Variants in C10orf88 observed in about 807,000 individuals in gnomAD.
The protein encoded by C10orf88 is ATPase PAAT.
Under a neutral mutation model 34.2 loss-of-function variants are expected in C10orf88, and 29 were observed. The ratio of observed to expected loss-of-function variants is 0.85; its 90% confidence interval spans 0.63 to 1.16. C10orf88 has a LOEUF of 1.16. C10orf88 is among the 50% of genes most tolerant of loss of function. C10orf88 has a pLI of 0.00. For synonymous variants in C10orf88, 194 were observed against 197.4 expected (o/e 0.98, Z 0.15); for missense variants, 507 against 533.2 (o/e 0.95, Z 0.48).
At position 122,947,324 on chromosome 10, in the gene C10orf88, C is replaced by T. The variant is rs528972917; in HGVS notation, c.648+1325G>A. ...CACAACATCTACAAGGAGTTCTTTA[C>T]TTGCATTACTTATTTTAAATTTTCA... On this transcript the variant is annotated intron_variant, in intron 4 of 5. Coordinates refer to ENST00000481909, the MANE Select transcript of C10orf88 (RefSeq NM_024942.4). Among the ~76,000 whole-genome samples the T allele has an allele frequency of 5.9e-5, 9 of 152,280 alleles. No homozygotes were observed. In the South Asian group the frequency reaches 1.9e-3, roughly 32 times the overall value.
Position 122,932,409 on chromosome 10 carries a change from A to C in C10orf88, c.*18T>G. On this transcript the variant is annotated 3_prime_UTR_variant, in exon 6 of 6. Coordinates refer to ENST00000481909, the MANE Select transcript of C10orf88 (RefSeq NM_024942.4). ...AATATGTAATAAATATCTGCAGTAC[A>C]CTGTTTATGTTGAGAGCTTATCTTT... The C allele has an allele frequency of 6.3e-7, 1 of 1,575,276 alleles. No individual in the cohort carries two copies. The highest frequency in any genetic ancestry group is 8.7e-7 in the Non-Finnish European group (1 of 1,149,150).
intron 2 of C10orf88, 73 bp from the exon 3 acceptor site, chr10:122,952,099 A>G: frequency 1.3e-6 from 1 of 788,160 alleles, no homozygotes; most frequent in South Asian, 1.7e-5. Flanking sequence ...TTAAAAATAA[A>G]TGTTTCCAGA....
At chr10:122,944,022 T>C (rs1359636929) in intron 4 of C10orf88, among the ~76,000 whole-genome samples, 1 of 151,954 alleles carries the variant, frequency 6.6e-6, no homozygotes, top group African/African-American at 2.4e-5. Context: ...ATCCCATTAC[T>C]GGGTATATAC....
At chr10:122,941,365 C>A (rs1848579589) in intron 4 of C10orf88, among the ~76,000 whole-genome samples, 2 of 152,112 alleles carry the variant, frequency 1.3e-5, no homozygotes, top group Admixed American at 1.3e-4. Context: ...GTTTGGATTG[C>A]ATTTCAGACT....
At chr10:122,945,447 G>A (rs1848630806) in intron 4 of C10orf88, among the ~76,000 whole-genome samples, 1 of 151,934 alleles carries the variant, frequency 6.6e-6, no homozygotes, top group African/African-American at 2.4e-5. Flanking sequence ...ACCACCTCAG[G>A]CAGGTCCTTC....
intron 3 of C10orf88, among the ~76,000 whole-genome samples, chr10:122,949,646 T>C (rs866246624): frequency 6.6e-6 from 1 of 152,230 alleles, no homozygotes; most frequent in South Asian, 2.1e-4. Context: ...GAATTGTTTA[T>C]TTCTGAAATT....
chr10:122,932,541 A>T lies in C10orf88; in HGVS notation c.1224T>A (p.Ile408=), dbSNP rs1051603049. 6.2e-7 allele frequency: 1 copy of T among 1,614,004 alleles called. No individual in the cohort carries two copies. Among genetic ancestry groups the T allele is most frequent in the Non-Finnish European group, 8.5e-7 (1 of 1,179,950 alleles). Reference sequence around the variant, plus strand: ...CCAGTAACAAAGCAATCTTATCATCAATGTGCTCCTGGAGTTCATGTATTC... The same window carrying T: ...CCAGTAACAAAGCAATCTTATCATCTATGTGCTCCTGGAGTTCATGTATTC... ...DQRIHELQEH[I]DDKIALLLDL... Residue 408 remains isoleucine (I), a synonymous_variant, in exon 6 of 6, where the codon ATT becomes ATA. Coordinates refer to ENST00000481909, the MANE Select transcript of C10orf88 (RefSeq NM_024942.4).
At chr10:122,949,924 C>T (rs771293356) in intron 3 of C10orf88, among the ~76,000 whole-genome samples, 5 of 152,178 alleles carry the variant, frequency 3.3e-5, no homozygotes, top group African/African-American at 9.7e-5. Context: ...ATGATGACTT[C>T]AAGGGTGATT....
Position 122,954,156 on chromosome 10 carries a change from C to A in C10orf88, c.23G>T (p.Gly8Val), listed in dbSNP as rs1394260341. 1.2e-5 allele frequency: 19 copies of A among 1,578,346 alleles called. No homozygotes were observed. Among genetic ancestry groups the A allele is most frequent in the Non-Finnish European group, 1.5e-5 (18 of 1,167,356 alleles). METRTED[G>V]GLTRRPTLAS... The stretch of plus-strand genomic sequence containing the variant: ...CAGCGTGGGGCGGCGGGTGAGGCCC[C>A]CGTCCTCGGTCCGCGTCTCCATTCC... Residue 8 changes from glycine to valine, a missense_variant, in exon 1 of 6, where the codon GGG becomes GTG. Gly to Val is a moderately radical substitution (Grantham distance 109). Transcript: ENST00000481909.
intron 4 of C10orf88, among the ~76,000 whole-genome samples, chr10:122,943,863 A>T (rs947280956): frequency 1.1e-4 from 16 of 152,350 alleles, no homozygotes; most frequent in South Asian, 6.2e-4. Context: ...ATCATTAAAA[A>T]GTCAGGAAAC....
intron 4 of C10orf88, among the ~76,000 whole-genome samples, chr10:122,943,621 C>T (rs1848606981): frequency 6.6e-6 from 1 of 152,138 alleles, no homozygotes; most frequent in Admixed American, 6.5e-5. Flanking sequence ...TTGCAACCTA[C>T]TCATCTGACA....
At chr10:122,945,384 TTAG>T (rs1848630426) in intron 4 of C10orf88, among the ~76,000 whole-genome samples, 1 of 152,208 alleles carries the variant, frequency 6.6e-6, no homozygotes, top group Non-Finnish European at 1.5e-5. Context: ...TACCATATTT[TTAG>T]TCTTAAAGTA....
chr10:122,948,360 A>G (rs1399682616), intron 4 of C10orf88, among the ~76,000 whole-genome samples: 1 of 152,180 alleles, frequency 6.6e-6, no homozygotes, highest in Non-Finnish European at 1.5e-5. Flanking sequence ...CTTAAAGACT[A>G]CAGATTAACT....
chr10:122,934,399 C>G (rs1245614323), intron 5 of C10orf88, among the ~76,000 whole-genome samples: 1 of 152,098 alleles, frequency 6.6e-6, no homozygotes, highest in Admixed American at 6.6e-5. Flanking sequence ...TTCATCTCTA[C>G]AGTTTTATTA....
chr10:122,939,391 C>T (rs1189860793), intron 4 of C10orf88, among the ~76,000 whole-genome samples: 1 of 151,676 alleles, frequency 6.6e-6, no homozygotes, highest in African/African-American at 2.4e-5. Context: ...AAAAATGTAT[C>T]ATGAAATGGA....
rs200060782 is a variant in C10orf88 at position 122,938,085 on chromosome 10, T to C, written c.723A>G (p.Gln241=). Residue 241 remains glutamine (Q), a synonymous_variant, in exon 5 of 6, where the codon CAA becomes CAG. Coordinates refer to ENST00000481909, the MANE Select transcript of C10orf88 (RefSeq NM_024942.4). ...NSGYKHMIGL[Q]SSSTLGTLNK... ...TTAAGGTTCCTAAGGTAGATGAGGA[T>C]TGTAGTCCAATCATATGCTTGTATC... 37 of 1,613,128 alleles carry C rather than the reference T, an allele frequency of 2.3e-5. No homozygotes were observed. Among genetic ancestry groups the C allele is most frequent in the Admixed American group, 2.0e-4 (12 of 59,942 alleles).
intron 3 of C10orf88, among the ~76,000 whole-genome samples, chr10:122,950,921 T>C (rs895776488): frequency 1.3e-5 from 2 of 152,212 alleles, no homozygotes; most frequent in South Asian, 2.1e-4. Context: ...TTTCTTATTG[T>C]AAAAATAGGT....
chr10:122,935,183 GTTT>G (rs775480171), intron 5 of C10orf88, among the ~76,000 whole-genome samples: 31 of 152,052 alleles, frequency 2.0e-4, no homozygotes, highest in Admixed American at 7.9e-4. Flanking sequence ...CAATAAATCA[GTTT>G]TTTATTTTAT....
chr10:122,936,147 T>G (rs1848532240), intron 5 of C10orf88, among the ~76,000 whole-genome samples: 1 of 151,960 alleles, frequency 6.6e-6, no homozygotes, highest in Non-Finnish European at 1.5e-5. Context: ...GTTATAGGAC[T>G]ATTTTATTAC....
Sources: gnomAD v4.1 joint callset for allele counts (sites outside exome capture counted in the v4.1 genomes callset) on GRCh38, gnomAD v4.1.1 for gene constraint, MANE v1.5 for transcripts, NCBI Gene and HGNC (gene_info 2026-07-23, HGNC 2026-07-21) for gene names.